ARL8B: variants seen among roughly 807,000 people sequenced by gnomAD.
ARL8B encodes ARF like GTPase 8B.
A neutral mutation model predicts 30.6 loss-of-function variants in ARL8B; 9 were observed. The observed-to-expected ratio is 0.29, with a 90% CI of 0.18 to 0.51. The LOEUF (loss-of-function observed/expected upper bound fraction) is 0.51. Ranked by LOEUF, ARL8B falls within the 20% of genes least tolerant of loss-of-function variation. The pLI is 0.97. For missense variants in ARL8B, 130 were observed against 227.2 expected (o/e 0.57, Z 2.75); for synonymous variants, 74 against 76.0 (o/e 0.97, Z 0.14).
intron 3 of ARL8B, 70 bp downstream of exon 3, chr3:5,172,293 T>A: frequency 7.2e-7 from 1 of 1,380,348 alleles, no homozygotes; most frequent in South Asian, 1.3e-5. Flanking sequence ...TTTATTTTAG[T>A]ATTTCCAGAG....
chr3:5,174,099 T>C lies in ARL8B; in HGVS notation c.440+15T>C. Reference sequence around the variant, plus strand: ...ATTGAAAAAATGTATGTCTTGAATATGCTATTTTAATAATTTGCTTCTAAA... The same window carrying C: ...ATTGAAAAAATGTATGTCTTGAATACGCTATTTTAATAATTTGCTTCTAAA... On this transcript the variant is annotated intron_variant, in intron 5 of 6. Coordinates refer to ENST00000256496, the MANE Select transcript of ARL8B (RefSeq NM_018184.3). 6.3e-7 allele frequency: 1 copy of C among 1,588,940 alleles called. No homozygotes were observed. The highest frequency in any genetic ancestry group is 8.6e-7 in the Non-Finnish European group (1 of 1,159,918).
chr3:5,131,335 T>G (rs1329334931), intron 1 of ARL8B, among the ~76,000 whole-genome samples: 1 of 152,100 alleles, frequency 6.6e-6, no homozygotes, highest in Non-Finnish European at 1.5e-5. Flanking sequence ...CTCTCCTTCA[T>G]AATTTAGCTA....
intron 1 of ARL8B, among the ~76,000 whole-genome samples, chr3:5,123,532 T>A (rs1429421427): frequency 2.0e-5 from 3 of 152,194 alleles, no homozygotes; most frequent in South Asian, 4.1e-4. Flanking sequence ...GCCCAAGAGT[T>A]GTTGTGACTC....
rs866574379 is a variant in ARL8B, at chr3:5,179,736, T to C, written c.*1023T>C. ...ATAAAAAATTTTTATTTTTCTCTCT[T>C]ACTGATGTAAGCTTTGGCACTCTTT... On this transcript the variant is annotated 3_prime_UTR_variant, in exon 7 of 7. Transcript: ENST00000256496. 1.3e-5 allele frequency: 2 copies of C among 152,558 alleles called. No homozygotes were observed. The highest frequency in any genetic ancestry group is 1.9e-4 in the East Asian group (1 of 5,196). 9.5% of individuals were successfully genotyped at this position (152,558 alleles called of 1,614,324 possible).
chr3:5,131,170 A>C (rs1444272443), intron 1 of ARL8B, among the ~76,000 whole-genome samples: 1 of 151,728 alleles, frequency 6.6e-6, no homozygotes, highest in African/African-American at 2.4e-5. Flanking sequence ...CTCCCAAAGT[A>C]CTGGGATTAC....
At chr3:5,150,463 A>AAATAAATAAAT (rs1553580545) in intron 1 of ARL8B, among the ~76,000 whole-genome samples, 2 of 145,954 alleles carry the variant, frequency 1.4e-5, no homozygotes, top group Non-Finnish European at 3.0e-5. Flanking sequence ...AATCCATGTC[A>AAATAAATAAAT]AAATAAATAA....
rs940287610 is a variant in ARL8B, at chr3:5,131,798, T to C, written c.123+9210T>C. Among the ~76,000 whole-genome samples the C allele has an allele frequency of 4.6e-5, 7 of 152,252 alleles. No homozygotes were observed. The East Asian group carries it at 1.3e-3, about 29-fold the overall frequency. On this transcript the variant is annotated intron_variant, in intron 1 of 6. Transcript: ENST00000256496. ...TCTACTCTTAAGTGACTGAAATGTT[T>C]AACTTTGGTTTTTGTCTTTTTTTCA... is the stretch of plus-strand genomic sequence containing the variant.
In ARL8B at chr3:5,180,806, G is replaced by T. The variant is rs1392547138; in HGVS notation, c.*2093G>T. 3.9e-5 allele frequency: 6 copies of T among 152,482 alleles called. No homozygotes were observed. The highest frequency in any genetic ancestry group is 1.5e-4 in the African/African-American group (6 of 41,378). 9.4% of individuals were successfully genotyped at this position (152,482 alleles called of 1,614,324 possible). On this transcript the variant is annotated 3_prime_UTR_variant, in exon 7 of 7. Coordinates refer to ENST00000256496, the MANE Select transcript of ARL8B (RefSeq NM_018184.3). The stretch of plus-strand genomic sequence containing the variant: ...ATGGAAGGTGCAGACTTTTTTGGAA[G>T]TTTCCGAGAGGAGGGTCTATAGACC...
intron 1 of ARL8B, among the ~76,000 whole-genome samples, chr3:5,123,275 C>T (rs1420514376): frequency 6.6e-6 from 1 of 152,168 alleles, no homozygotes; most frequent in Non-Finnish European, 1.5e-5. Context: ...ATAAAGTTAA[C>T]TACCCTGCGA....
Position 5,169,304 on chromosome 3 carries a change from T to TG in ARL8B, c.124-1199_124-1198insG, listed in dbSNP as rs1491441119. On this transcript the variant is annotated intron_variant, in intron 1 of 6. Transcript: ENST00000256496. The stretch of plus-strand genomic sequence containing the variant: ...GTACCTCATAAAGTGAAATACAGTG[T>TG]TTGTGTGTGTGTGTGTGTGTGTGTG... Among the ~76,000 whole-genome samples the TG allele has an allele frequency of 1.6e-4, 19 of 118,582 alleles. No homozygotes were observed. The East Asian group carries it at 3.9e-3, about 24-fold the overall frequency. 77.8% of individuals were successfully genotyped at this position (118,582 alleles called of 152,430 possible). A position where few individuals can be genotyped will look rare whatever the true frequency, so the allele number is the denominator to read the frequency against.
rs528229237 is a variant in ARL8B, at chr3:5,169,882, C to T, written c.124-621C>T. Among the ~76,000 whole-genome samples the T allele has an allele frequency of 1.8e-4, 27 of 152,262 alleles. 1 individual carries two copies. The highest frequency in any genetic ancestry group is 1.7e-3 in the Admixed American group (26 of 15,290). On this transcript the variant is annotated intron_variant, in intron 1 of 6. Transcript: ENST00000256496. ...AGTTAAAAGAGGCACAATTCGAGTT[C>T]TGTATAGGAAGTTATTTGTACAGTT...
At chr3:5,142,228 C>T (rs1260378688) in intron 1 of ARL8B, among the ~76,000 whole-genome samples, 12 of 152,122 alleles carry the variant, frequency 7.9e-5, no homozygotes, top group Non-Finnish European at 1.5e-4. Flanking sequence ...TGATTGCCAT[C>T]GCCTGACTTA....
At chr3:5,140,446 G>A (rs1332898183) in intron 1 of ARL8B, among the ~76,000 whole-genome samples, 2 of 152,058 alleles carry the variant, frequency 1.3e-5, no homozygotes, top group East Asian at 1.9e-4. Flanking sequence ...TGATTGTGAG[G>A]CCTCCCCAGC....
intron 1 of ARL8B, among the ~76,000 whole-genome samples, chr3:5,137,878 G>A (rs1190023743): frequency 1.3e-5 from 2 of 152,158 alleles, no homozygotes; most frequent in African/African-American, 4.8e-5. Context: ...ACGAGCCACT[G>A]TGCCTAGCCT....
chr3:5,159,952 T>G (rs945759933), intron 1 of ARL8B, among the ~76,000 whole-genome samples: 8 of 152,290 alleles, frequency 5.3e-5, no homozygotes, highest in African/African-American at 1.9e-4. Flanking sequence ...GTAGTACAGA[T>G]GTTTAGAGAC....
chr3:5,129,342 T>C (rs1344787668), intron 1 of ARL8B, among the ~76,000 whole-genome samples: 2 of 152,152 alleles, frequency 1.3e-5, no homozygotes, highest in African/African-American at 4.8e-5. Context: ...GCCCAGCTAA[T>C]ACTGAGCAGA....
At chr3:5,130,784 C>T (rs1031186967) in intron 1 of ARL8B, among the ~76,000 whole-genome samples, 3 of 151,716 alleles carry the variant, frequency 2.0e-5, no homozygotes, top group Non-Finnish European at 4.4e-5. Flanking sequence ...GATCCGCCCG[C>T]CTCGGCCCAG....
intron 1 of ARL8B, among the ~76,000 whole-genome samples, chr3:5,131,592 T>A (rs1360340577): frequency 6.6e-6 from 1 of 151,996 alleles, no homozygotes; most frequent in Non-Finnish European, 1.5e-5. Flanking sequence ...GGTTTCACGA[T>A]GTTGGCCACA....
At chr3:5,156,572 T>C (rs1363815668) in intron 1 of ARL8B, among the ~76,000 whole-genome samples, 1 of 152,154 alleles carries the variant, frequency 6.6e-6, no homozygotes, top group Non-Finnish European at 1.5e-5. Flanking sequence ...CACACCACCA[T>C]GCCCAGTGAA....
Sources: allele counts gnomAD v4.1 joint callset (sites outside exome capture counted in the v4.1 genomes callset), GRCh38; gene constraint gnomAD v4.1.1; transcripts MANE v1.5; gene names NCBI Gene and HGNC (gene_info 2026-07-23, HGNC 2026-07-21).